Variants in CLIC4 observed in about 807,000 individuals in gnomAD.
CLIC4 encodes CLIC family member 4.
Under a neutral mutation model 24.6 loss-of-function variants are expected in CLIC4, and 13 were observed. That is an observed-to-expected ratio of 0.53 (90% CI 0.34 to 0.84). CLIC4 has a LOEUF of 0.84. Among genes scored for constraint, CLIC4 ranks in the 40% least tolerant of loss-of-function variants. The pLI is 0.01. For missense variants in CLIC4, 227 were observed against 301.7 expected, an observed-to-expected ratio of 0.75 and a Z score of 1.83; for synonymous variants, 104 against 111.3, an observed-to-expected ratio of 0.93 and a Z score of 0.41.
At chr1:24,770,200 G>A (rs1053639325) in intron 1 of CLIC4, among the ~76,000 whole-genome samples, 6 of 151,542 alleles carry the variant, frequency 4.0e-5, no homozygotes, top group African/African-American at 1.5e-4. Context: ...TGTCTAAATG[G>A]TTCAAGTTTA....
At position 24,778,309 on chromosome 1, in the gene CLIC4, G is replaced by A. The variant is rs546623811; in HGVS notation, c.73-19433G>A. Among the ~76,000 whole-genome samples the A allele has an allele frequency of 2.8e-4, 42 of 152,222 alleles. No individual in the cohort carries two copies. In the Middle Eastern group the frequency reaches 0.01, roughly 37 times the overall value. On this transcript the variant is annotated intron_variant, in intron 1 of 5. Transcript: ENST00000374379. ...TCCTCATCTGAAACTCATATGAAAC[G>A]AGGAAAACAACCCCTAATTTCATAT...
intron 1 of CLIC4, among the ~76,000 whole-genome samples, chr1:24,750,851 G>C (rs1638765031): frequency 6.6e-6 from 1 of 152,062 alleles, no homozygotes; most frequent in African/African-American, 2.4e-5. Context: ...GCAAATAAAT[G>C]CTAGTTGTGT....
intron 2 of CLIC4, among the ~76,000 whole-genome samples, chr1:24,813,315 T>TA (rs1639635603): frequency 6.6e-6 from 1 of 152,128 alleles, no homozygotes; most frequent in Admixed American, 6.6e-5. Context: ...GTGCTGGGAT[T>TA]ACAGCCGTGA....
intron 4 of CLIC4, among the ~76,000 whole-genome samples, chr1:24,838,027 T>A (rs1000957674): frequency 6.6e-6 from 1 of 152,110 alleles, no homozygotes; most frequent in Non-Finnish European, 1.5e-5. Flanking sequence ...CTATTGGACA[T>A]CTCTACTCAC....
intron 3 of CLIC4, among the ~76,000 whole-genome samples, chr1:24,818,446 C>T (rs1220155150): frequency 6.6e-6 from 1 of 152,040 alleles, no homozygotes; most frequent in Non-Finnish European, 1.5e-5. Context: ...GCCACCATGC[C>T]TGGCTAATTT....
chr1:24,794,311 C>T lies in CLIC4; in HGVS notation c.73-3431C>T, dbSNP rs147061670. ...AACTAATTTACACTCCCACCAGCAGCGTATAGTGTTCCCTTTTCTCTACAA... is the reference window on the plus strand; with the variant it reads ...AACTAATTTACACTCCCACCAGCAGTGTATAGTGTTCCCTTTTCTCTACAA... On this transcript the variant is annotated intron_variant, in intron 1 of 5. Transcript: ENST00000374379. 9.6e-4 allele frequency among the ~76,000 whole-genome samples: 145 copies of T among 150,468 alleles called. 1 individual carries two copies. The highest frequency in any genetic ancestry group is 3.2e-3 in the African/African-American group (133 of 40,986).
At chr1:24,790,318 T>C (rs1002586437) in intron 1 of CLIC4, among the ~76,000 whole-genome samples, 2 of 152,202 alleles carry the variant, frequency 1.3e-5, no homozygotes, top group African/African-American at 4.8e-5. Flanking sequence ...GTGATCTGCC[T>C]GCCTTGGCCT....
At chr1:24,831,937 C>A (rs1639845847) in intron 4 of CLIC4, among the ~76,000 whole-genome samples, 1 of 152,220 alleles carries the variant, frequency 6.6e-6, no homozygotes, top group Admixed American at 6.5e-5. Flanking sequence ...CCATGCCCGG[C>A]CATGCATTCA....
chr1:24,787,060 C>T (rs1639276003), intron 1 of CLIC4, among the ~76,000 whole-genome samples: 1 of 151,684 alleles, frequency 6.6e-6, no homozygotes, highest in African/African-American at 2.4e-5. Context: ...AGCCTGGGAC[C>T]ACAGGCATGA....
intron 3 of CLIC4, among the ~76,000 whole-genome samples, chr1:24,817,632 A>T (rs1463138045): frequency 6.6e-6 from 1 of 152,232 alleles, no homozygotes; most frequent in Non-Finnish European, 1.5e-5. Context: ...TAGCACTATT[A>T]AATTTCCTTC....
chr1:24,766,067 G>T (rs971589363), intron 1 of CLIC4, among the ~76,000 whole-genome samples: 1 of 151,440 alleles, frequency 6.6e-6, no homozygotes, highest in Non-Finnish European at 1.5e-5. Context: ...GCAGTGGCGC[G>T]ATCTCAGCTC....
At chr1:24,831,084 T>C (rs1639835477) in intron 4 of CLIC4, among the ~76,000 whole-genome samples, 1 of 152,220 alleles carries the variant, frequency 6.6e-6, no homozygotes, top group African/African-American at 2.4e-5. Context: ...TAATATACCC[T>C]TGTTATGACA....
chr1:24,761,441 A>G (rs1484193277), intron 1 of CLIC4, among the ~76,000 whole-genome samples: 2 of 152,162 alleles, frequency 1.3e-5, no homozygotes, highest in African/African-American at 4.8e-5. Context: ...GAATGAGGGG[A>G]AAAGCGTTCT....
intron 3 of CLIC4, among the ~76,000 whole-genome samples, chr1:24,824,294 A>T (rs1639765610): frequency 1.3e-5 from 2 of 152,120 alleles, no homozygotes; most frequent in Non-Finnish European, 2.9e-5. Flanking sequence ...TTTGAGACGC[A>T]GTCTCGCTCT....
chr1:24,754,175 G>A (rs777073788), intron 1 of CLIC4, among the ~76,000 whole-genome samples: 3 of 152,216 alleles, frequency 2.0e-5, no homozygotes, highest in Non-Finnish European at 2.9e-5. Flanking sequence ...TTGGTTTAAT[G>A]TAAAAACCTG....
At chr1:24,805,131 T>A (rs955786552) in intron 2 of CLIC4, among the ~76,000 whole-genome samples, 1 of 150,562 alleles carries the variant, frequency 6.6e-6, no homozygotes, top group Non-Finnish European at 1.5e-5. Context: ...AAACGAATTA[T>A]GGAATCCATA....
In CLIC4 at chr1:24,745,493, GAGCAGAAGCAGC is replaced by G. The variant is rs904342413; in HGVS notation, c.-55_-44del. On this transcript the variant is annotated 5_prime_UTR_variant, in exon 1 of 6. Transcript: ENST00000374379. ...GGAACCGGCAGCCGGAGCAGTCCCG[GAGCAGAAGCAGC>G]AGCAGCAGCAGCAGCCCTCGCCGTT... 2 of 1,481,834 alleles carry G rather than the reference GAGCAGAAGCAGC, an allele frequency of 1.3e-6. No individual in the cohort carries two copies. The highest frequency in any genetic ancestry group is 2.9e-5 in the African/African-American group (2 of 69,884). The allele number at this position is 1,481,834 out of a possible 1,614,324, so 91.8% of individuals were successfully genotyped here. A position where few individuals can be genotyped will look rare whatever the true frequency, so the allele number is the denominator to read the frequency against.
intron 1 of CLIC4, among the ~76,000 whole-genome samples, chr1:24,749,969 G>A (rs1403478531): frequency 1.3e-5 from 2 of 152,176 alleles, no homozygotes; most frequent in Admixed American, 6.5e-5. Context: ...GGTGATACAT[G>A]CCTGTGGTCC....
chr1:24,822,341 C>CTTTT lies in CLIC4; in HGVS notation c.309-4647_309-4644dup, dbSNP rs71032865. On this transcript the variant is annotated intron_variant, in intron 3 of 5. Transcript: ENST00000374379. ...GTTATTAAACTTAATTCAGTGAATT[C>CTTTT]TTTTTTTTTTTTTTTTTTTTTTTTT... is the stretch of plus-strand genomic sequence containing the variant. 3.2e-3 allele frequency among the ~76,000 whole-genome samples: 239 copies of CTTTT among 75,450 alleles called. 2 individuals are homozygous for CTTTT. The highest frequency in any genetic ancestry group is 6.0e-3 in the African/African-American group (132 of 21,900). The allele number at this position is 75,450 out of a possible 152,430, so 49.5% of individuals were successfully genotyped here. A position where few individuals can be genotyped will look rare whatever the true frequency, so the allele number is the denominator to read the frequency against.
Sources: gnomAD v4.1 joint callset for allele counts (sites outside exome capture counted in the v4.1 genomes callset) on GRCh38, gnomAD v4.1.1 for gene constraint, MANE v1.5 for transcripts, NCBI Gene and HGNC (gene_info 2026-07-23, HGNC 2026-07-21) for gene names.